Variants in JAZF1 observed in about 807,000 individuals in gnomAD.
The protein encoded by JAZF1 is JAZF zinc finger 1, also known as juxtaposed with another zinc finger protein 1.
Under a neutral mutation model 26.4 loss-of-function variants are expected in JAZF1, and 8 were observed. That is an observed-to-expected ratio of 0.30 (90% CI 0.18 to 0.55). The LOEUF is 0.55. Among genes scored for constraint, JAZF1 ranks in the 20% least tolerant of loss-of-function variants. The pLI, the probability that JAZF1 is intolerant of heterozygous loss-of-function variation, is 0.94. For missense variants in JAZF1, 199 were observed against 322.0 expected (o/e 0.62, Z 2.92); for synonymous variants, 126 against 122.3 (o/e 1.03, Z -0.20).
chr7:27,989,270 C>G (rs906692476), intron 2 of JAZF1, among the ~76,000 whole-genome samples: 1 of 152,140 alleles, frequency 6.6e-6, no homozygotes, highest in Admixed American at 6.5e-5. Flanking sequence ...CTTCCTTATA[C>G]CTTATACAAA....
At chr7:28,127,949 C>T (rs1176304904) in intron 1 of JAZF1, among the ~76,000 whole-genome samples, 1 of 152,118 alleles carries the variant, frequency 6.6e-6, no homozygotes, top group Non-Finnish European at 1.5e-5. Flanking sequence ...CTGGGCCCTT[C>T]CCACAACACA....
At chr7:27,908,672 C>T (rs1784305665) in intron 2 of JAZF1, among the ~76,000 whole-genome samples, 1 of 152,106 alleles carries the variant, frequency 6.6e-6, no homozygotes, top group South Asian at 2.1e-4. Context: ...TCAGAAGGGG[C>T]CCAGTTTACC....
rs1784445006 is a variant in JAZF1 at position 28,099,865 on chromosome 7, C to A, written c.115+80598G>T. ...TCACTTTCCTACAAAAAGATATGGC[C>A]TTTTAGTCTCCAAGATTTCAGTGCT... On this transcript the variant is annotated intron_variant, in intron 1 of 4. Coordinates refer to ENST00000283928, the MANE Select transcript of JAZF1 (RefSeq NM_175061.4). Among the ~76,000 whole-genome samples, 4 of 152,270 alleles carry A rather than the reference C, an allele frequency of 2.6e-5. No individual in the cohort carries two copies. The South Asian group carries it at 8.3e-4, about 32-fold the overall frequency.
At chr7:27,964,515 T>C (rs1785239865) in intron 2 of JAZF1, among the ~76,000 whole-genome samples, 2 of 151,854 alleles carry the variant, frequency 1.3e-5, no homozygotes, top group African/African-American at 4.8e-5. Context: ...AGAATGGGAC[T>C]CAAAAAATTG....
chr7:28,001,979 G>A (rs1269885288), intron 1 of JAZF1, among the ~76,000 whole-genome samples: 1 of 152,202 alleles, frequency 6.6e-6, no homozygotes, highest in East Asian at 1.9e-4. Context: ...GTCTGCTTCT[G>A]ACATGTGGTA....
chr7:27,927,226 G>A (rs571391006), intron 2 of JAZF1, among the ~76,000 whole-genome samples: 1 of 152,288 alleles, frequency 6.6e-6, no homozygotes, highest in East Asian at 1.9e-4. Flanking sequence ...CAGCACTCTC[G>A]TGCTCAGCTG....
At chr7:27,962,234 A>G (rs1186672999) in intron 2 of JAZF1, among the ~76,000 whole-genome samples, 1 of 152,232 alleles carries the variant, frequency 6.6e-6, no homozygotes, top group Non-Finnish European at 1.5e-5. Flanking sequence ...ATAGGTAAGA[A>G]GTATGAAATC....
chr7:28,002,647 T>A lies in JAZF1; in HGVS notation c.116-10666A>T, dbSNP rs145039037. Among the ~76,000 whole-genome samples the A allele has an allele frequency of 6.3e-3, 965 of 152,358 alleles. 14 individuals are homozygous for A. The highest frequency in any genetic ancestry group is 0.021 in the African/African-American group (883 of 41,580). ...TAAAACTTGCATTGTTCTGGATTAT[T>A]TCCATTTTATGTGGCATAATGGTAC... is the stretch of plus-strand genomic sequence containing the variant. On this transcript the variant is annotated intron_variant, in intron 1 of 4. Coordinates refer to ENST00000283928, the MANE Select transcript of JAZF1 (RefSeq NM_175061.4).
chr7:27,882,052 A>G (rs909683881), intron 3 of JAZF1, among the ~76,000 whole-genome samples: 1 of 152,232 alleles, frequency 6.6e-6, no homozygotes, highest in Non-Finnish European at 1.5e-5. Context: ...GTTGGTAGAC[A>G]ATGTCAGGGA....
At chr7:28,175,389 T>C (rs1385482355) in intron 1 of JAZF1, among the ~76,000 whole-genome samples, 1 of 152,202 alleles carries the variant, frequency 6.6e-6, no homozygotes, top group Non-Finnish European at 1.5e-5. Flanking sequence ...ACAGTAGGAT[T>C]ACATATTTAT....
intron 2 of JAZF1, among the ~76,000 whole-genome samples, chr7:27,972,854 T>TATAC (rs929996478): frequency 4.0e-5 from 6 of 151,838 alleles, no homozygotes; most frequent in South Asian, 2.1e-4. Context: ...TATATATATA[T>TATAC]ACACACACAT....
intron 4 of JAZF1, among the ~76,000 whole-genome samples, chr7:27,837,325 C>T (rs536237208): frequency 1.3e-5 from 2 of 152,304 alleles, no homozygotes; most frequent in African/African-American, 4.8e-5. Flanking sequence ...ATGAGCAGGG[C>T]AAGGGTGGTG....
Position 27,947,900 on chromosome 7 carries a change from A to C in JAZF1, c.188+44009T>G, listed in dbSNP as rs540253949. ...GACTAACAGCTGGGTGTCTCAGACA[A>C]GCCGTCTCTACCTCCAGCATCCACG... On this transcript the variant is annotated intron_variant, in intron 2 of 4. Transcript: ENST00000283928. 2.0e-5 allele frequency among the ~76,000 whole-genome samples: 3 copies of C among 152,274 alleles called. No homozygotes were observed. The South Asian group carries it at 6.2e-4, about 32-fold the overall frequency.
At chr7:28,065,504 C>A (rs1404039303) in intron 1 of JAZF1, among the ~76,000 whole-genome samples, 1 of 152,186 alleles carries the variant, frequency 6.6e-6, no homozygotes, top group Non-Finnish European at 1.5e-5. Context: ...GTTTCACAGA[C>A]CTTCTCCTGC....
rs1171098294 is a variant in JAZF1, at chr7:27,832,640, T to C, written c.*160A>G. The C allele has an allele frequency of 1.9e-6, 1 of 537,656 alleles. No homozygotes were observed. The allele number at this position is 537,656 out of a possible 1,614,324, so 33.3% of individuals were successfully genotyped here. On this transcript the variant is annotated 3_prime_UTR_variant, in exon 5 of 5. Transcript: ENST00000283928. ...TGCAAATGTACAAAATCATTAACTC[T>C]ACAAAGATACATCATTCCAAAATTA...
intron 1 of JAZF1, among the ~76,000 whole-genome samples, chr7:28,132,416 T>C (rs1363751022): frequency 2.6e-5 from 4 of 152,206 alleles, no homozygotes; most frequent in Non-Finnish European, 4.4e-5. Flanking sequence ...AGTATCAGGA[T>C]ACCCATAGCT....
At chr7:27,883,260 A>G (rs1229126585) in intron 3 of JAZF1, among the ~76,000 whole-genome samples, 1 of 152,208 alleles carries the variant, frequency 6.6e-6, no homozygotes, top group Non-Finnish European at 1.5e-5. Flanking sequence ...GGACAAAGAA[A>G]AAGCAGCTAG....
intron 3 of JAZF1, among the ~76,000 whole-genome samples, chr7:27,884,397 G>A (rs1783823976): frequency 6.6e-6 from 1 of 152,220 alleles, no homozygotes; most frequent in South Asian, 2.1e-4. Flanking sequence ...CCCGTGCTGG[G>A]ATAACAGGTG....
At chr7:27,978,921 G>A (rs1007110412) in intron 2 of JAZF1, among the ~76,000 whole-genome samples, 2 of 151,322 alleles carry the variant, frequency 1.3e-5, no homozygotes, top group African/African-American at 2.4e-5. Flanking sequence ...CAGGGGAGAG[G>A]GGGAGAGAGA....
Sources: allele counts gnomAD v4.1 joint callset (sites outside exome capture counted in the v4.1 genomes callset), GRCh38; gene constraint gnomAD v4.1.1; transcripts MANE v1.5; gene names NCBI Gene and HGNC (gene_info 2026-07-23, HGNC 2026-07-21).